MYT1L: variants seen among roughly 807,000 people sequenced by gnomAD.
The protein encoded by MYT1L is myelin transcription factor 1-like protein.
Under a neutral mutation model 126.7 loss-of-function variants are expected in MYT1L, and 12 were observed. The ratio of observed to expected loss-of-function variants is 0.09; its 90% confidence interval spans 0.06 to 0.15. The LOEUF is 0.15. Ranked by LOEUF, MYT1L falls within the 10% of genes least tolerant of loss-of-function variation. The pLI, the probability that MYT1L is intolerant of heterozygous loss-of-function variation, is 1.00. For missense variants in MYT1L, 979 were observed against 1,585.2 expected (o/e 0.62, Z 6.49); for synonymous variants, 541 against 604.2 (o/e 0.90, Z 1.53).
chr2:1,829,658 G>A (rs2039856790), intron 21 of MYT1L, among the ~76,000 whole-genome samples: 1 of 133,514 alleles, frequency 7.5e-6, no homozygotes, highest in Non-Finnish European at 1.6e-5. Context: ...CCTGTGAACT[G>A]ACCCTCCCAT....
At chr2:1,968,733 G>T (rs2059580083) in intron 8 of MYT1L, among the ~76,000 whole-genome samples, 1 of 152,192 alleles carries the variant, frequency 6.6e-6, no homozygotes, top group African/African-American at 2.4e-5. Context: ...GGGTCTCTGG[G>T]TCGCCTTTGT....
chr2:1,889,289 G>T lies in MYT1L; in HGVS notation c.2472C>A (p.Thr824=), dbSNP rs1230176944. The change falls in exon 16 of 25, where the codon ACC becomes ACA. Residue 824 remains threonine, a synonymous_variant. Transcript: ENST00000647738. The surrounding 1 kb of genome is among the most constrained non-coding windows in gnomAD (Gnocchi z 4.1). ...CGTCTATCCTCCGGGGTTTCATTTT[G>T]GTGTAGTCTACGGGCAAGTCCCAGC... The part of the protein sequence containing the change: ...GDCWDLPVDY[T]KMKPRRIDED... 1 of 1,613,898 alleles carries T rather than the reference G, an allele frequency of 6.2e-7. No individual in the cohort carries two copies. Among genetic ancestry groups the T allele is most frequent in the Non-Finnish European group, 8.5e-7 (1 of 1,179,894 alleles).
chr2:2,053,234 A>G (rs1335694240), intron 4 of MYT1L, among the ~76,000 whole-genome samples: 4 of 152,208 alleles, frequency 2.6e-5, no homozygotes, highest in Admixed American at 2.6e-4. Context: ...AGAAAGCAGA[A>G]TGCTGGGACC....
At chr2:2,225,511 C>G (rs1217741643) in intron 2 of MYT1L, among the ~76,000 whole-genome samples, 1 of 152,146 alleles carries the variant, frequency 6.6e-6, no homozygotes, top group Non-Finnish European at 1.5e-5. Flanking sequence ...TGGGAGTGGT[C>G]TAAAAACCGT....
intron 2 of MYT1L, among the ~76,000 whole-genome samples, chr2:2,173,271 T>C (rs1336304505): frequency 1.3e-5 from 2 of 152,252 alleles, no homozygotes; most frequent in East Asian, 3.8e-4. Context: ...TAAAACCATA[T>C]GCACTTAATA....
intron 3 of MYT1L, among the ~76,000 whole-genome samples, chr2:2,143,827 T>C (rs2084423116): frequency 6.6e-6 from 1 of 152,138 alleles, no homozygotes; most frequent in Admixed American, 6.5e-5. Context: ...TGGATGCAGC[T>C]GGAGGCCATT....
At chr2:1,816,315 C>T (rs1183281382) in intron 21 of MYT1L, 1 of 152,694 alleles carries the variant, frequency 6.5e-6, no homozygotes, top group Non-Finnish European at 1.5e-5. Context: ...GAAGCAGAAG[C>T]ACTTGGGGAA....
intron 2 of MYT1L, among the ~76,000 whole-genome samples, chr2:2,230,451 A>C (rs1208856526): frequency 6.6e-6 from 1 of 152,220 alleles, no homozygotes; most frequent in African/African-American, 2.4e-5. Flanking sequence ...TCAATTCAGG[A>C]TTATGAATCG....
chr2:1,991,667 G>A (rs146387389), intron 5 of MYT1L, among the ~76,000 whole-genome samples: 112 of 152,034 alleles, frequency 7.4e-4, no homozygotes, highest in African/African-American at 2.6e-3. Context: ...CGCCTGGTTC[G>A]CCTCCTGCTT....
At chr2:2,215,929 G>A (rs1052175268) in intron 2 of MYT1L, among the ~76,000 whole-genome samples, 1 of 152,000 alleles carries the variant, frequency 6.6e-6, no homozygotes, top group Non-Finnish European at 1.5e-5. Flanking sequence ...CTCATGGCAC[G>A]GTACTGTCTT....
chr2:2,166,471 G>A (rs1477320020), intron 3 of MYT1L, among the ~76,000 whole-genome samples: 5 of 152,218 alleles, frequency 3.3e-5, no homozygotes, highest in Non-Finnish European at 7.3e-5. Context: ...GGGTGGCAAT[G>A]CATGGGTTTC....
At chr2:2,126,594 G>T (rs2081731760) in intron 3 of MYT1L, among the ~76,000 whole-genome samples, 1 of 152,144 alleles carries the variant, frequency 6.6e-6, no homozygotes, top group Non-Finnish European at 1.5e-5. Flanking sequence ...TCCAGAGAGG[G>T]GTTTGTAACC....
chr2:2,162,821 C>T (rs2088242874), intron 3 of MYT1L, among the ~76,000 whole-genome samples: 1 of 152,182 alleles, frequency 6.6e-6, no homozygotes, highest in South Asian at 2.1e-4. Context: ...GGATCCTGGC[C>T]ACATTTACAG....
chr2:1,836,362 T>G (rs1436234020), intron 21 of MYT1L, among the ~76,000 whole-genome samples: 1 of 140,758 alleles, frequency 7.1e-6, no homozygotes, highest in Non-Finnish European at 1.5e-5. Flanking sequence ...CACCCCAAGA[T>G]TCCATCAATC....
At chr2:2,083,928 G>A (rs2076098529) in intron 3 of MYT1L, among the ~76,000 whole-genome samples, 1 of 150,948 alleles carries the variant, frequency 6.6e-6, no homozygotes, top group Admixed American at 6.6e-5. Flanking sequence ...TGTAGACCGA[G>A]AAGGCTACTA....
chr2:1,855,108 C>T (rs1007137403), intron 18 of MYT1L, among the ~76,000 whole-genome samples: 1 of 152,170 alleles, frequency 6.6e-6, no homozygotes, highest in African/African-American at 2.4e-5. Flanking sequence ...ATTTAAGGCT[C>T]TTTAAAAACT....
intron 1 of MYT1L, among the ~76,000 whole-genome samples, chr2:2,286,978 A>AAC (rs982411717): frequency 6.6e-6 from 1 of 152,082 alleles, no homozygotes; most frequent in Non-Finnish European, 1.5e-5. Flanking sequence ...CACACAGACA[A>AAC]ACACACACAC....
chr2:2,280,620 G>A (rs2095433925), intron 2 of MYT1L, among the ~76,000 whole-genome samples: 1 of 152,172 alleles, frequency 6.6e-6, no homozygotes, highest in Non-Finnish European at 1.5e-5. Context: ...GTTATTTTAA[G>A]GAGGAAGTCA....
intron 20 of MYT1L, among the ~76,000 whole-genome samples, chr2:1,840,127 A>G (rs1207155656): frequency 6.6e-6 from 1 of 152,208 alleles, no homozygotes; most frequent in Non-Finnish European, 1.5e-5. Context: ...TTATTTTGAC[A>G]AATCTTAATT....
Sources: allele counts gnomAD v4.1 joint callset (sites outside exome capture counted in the v4.1 genomes callset), GRCh38; gene constraint gnomAD v4.1.1; non-coding constraint Gnocchi (gnomAD v3.1); transcripts MANE v1.5; gene names NCBI Gene and HGNC (gene_info 2026-07-23, HGNC 2026-07-21).